The following EFCAB5 variants were observed in gnomAD, a reference collection of about 807,000 sequenced individuals.
The protein encoded by EFCAB5 is EF-hand calcium-binding domain-containing protein 5.
EFCAB5 carries 131 observed loss-of-function variants against 167.9 expected under a neutral mutation model. That is an observed-to-expected ratio of 0.78 (90% CI 0.68 to 0.90). The LOEUF (loss-of-function observed/expected upper bound fraction) is 0.90, where lower values mean the gene tolerates loss of function less well. Among genes scored for constraint, EFCAB5 ranks in the 40% least tolerant of loss-of-function variants. The pLI is 0.00. For synonymous variants in EFCAB5, 574 were observed against 602.8 expected, an observed-to-expected ratio of 0.95 and a Z score of 0.70; for missense variants, 1,663 against 1,745.2, an observed-to-expected ratio of 0.95 and a Z score of 0.84.
chr17:30,040,944 TCCCTG>T (rs1242834579), intron 8 of EFCAB5, among the ~76,000 whole-genome samples: 1 of 152,184 alleles, frequency 6.6e-6, no homozygotes, highest in East Asian at 1.9e-4. Flanking sequence ...TCTCTGTTCT[TCCCTG>T]CACTTACCTA....
intron 3 of EFCAB5, among the ~76,000 whole-genome samples, chr17:29,953,403 G>T (rs967263949): frequency 1.3e-5 from 2 of 152,174 alleles, no homozygotes; most frequent in Admixed American, 6.5e-5. Context: ...GGACCCAGTT[G>T]CAGGTAATTG....
intron 7 of EFCAB5, among the ~76,000 whole-genome samples, chr17:30,018,462 GT>G (rs199676370): frequency 9.5e-5 from 14 of 147,704 alleles, no homozygotes; most frequent in East Asian, 5.9e-4. Context: ...GATTTTTATT[GT>G]TTTTTTTTCA....
chr17:30,091,162 T>G (rs1445713697), intron 20 of EFCAB5, among the ~76,000 whole-genome samples: 1 of 152,118 alleles, frequency 6.6e-6, no homozygotes, highest in Non-Finnish European at 1.5e-5. Context: ...GTTTTACAGA[T>G]AAAGATGCTA....
intron 7 of EFCAB5, among the ~76,000 whole-genome samples, chr17:30,018,496 C>A (rs1254504373): frequency 6.6e-6 from 1 of 151,506 alleles, no homozygotes; most frequent in Non-Finnish European, 1.5e-5. Flanking sequence ...TTTCTCATGT[C>A]TTTGAATACA....
chr17:30,054,339 G>A (rs758778967), intron 10 of EFCAB5, among the ~76,000 whole-genome samples, 191 bp downstream of exon 10: 2 of 152,106 alleles, frequency 1.3e-5, no homozygotes, highest in South Asian at 2.1e-4. Context: ...ATTCACTAAT[G>A]AAATGCAAGC....
chr17:30,082,578 ACAGGGTTTCAC>A (rs1173373864), intron 17 of EFCAB5, among the ~76,000 whole-genome samples: 2 of 151,756 alleles, frequency 1.3e-5, no homozygotes, highest in Non-Finnish European at 2.9e-5. Flanking sequence ...TTTAGTAGAG[ACAGGGTTTCAC>A]CATGTTGGCC....
chr17:30,015,759 C>CT (rs71138866), intron 7 of EFCAB5, among the ~76,000 whole-genome samples: 3,478 of 130,542 alleles, frequency 0.027, 57 homozygotes, highest in Middle Eastern at 0.082. Context: ...TTGGTTATTT[C>CT]TTTTTTTTTT....
chr17:30,057,910 A>G lies in EFCAB5; in HGVS notation c.2580+20A>G, dbSNP rs761737220. 1.1e-5 allele frequency: 18 copies of G among 1,599,522 alleles called. No homozygotes were observed. The Admixed American group carries it at 3.1e-4, about 27-fold the overall frequency. On this transcript the variant is annotated intron_variant, in intron 13 of 22. Transcript: ENST00000394835. ...GAACAGGTGGGTAATATTATTTATT[A>G]ATGATACAAGTGAGGTCACTATTAT...
chr17:30,105,296 G>A (rs2071434433), intron 22 of EFCAB5, among the ~76,000 whole-genome samples: 1 of 152,032 alleles, frequency 6.6e-6, no homozygotes, highest in Non-Finnish European at 1.5e-5. Context: ...AGACCAGCCT[G>A]GCCAACATGA....
At chr17:30,066,478 TAGAAAC>T (rs2070574711) in intron 14 of EFCAB5, among the ~76,000 whole-genome samples, 1 of 151,996 alleles carries the variant, frequency 6.6e-6, no homozygotes. Context: ...CAAATGAAAA[TAGAAAC>T]AGAACATACT....
At chr17:30,096,067 T>C (rs1473606931) in intron 22 of EFCAB5, among the ~76,000 whole-genome samples, 1 of 152,174 alleles carries the variant, frequency 6.6e-6, no homozygotes, top group Non-Finnish European at 1.5e-5. Context: ...GCCTTTTAGT[T>C]ACGAGTTATG....
intron 14 of EFCAB5, chr17:30,068,983 CACAAGGAGAT>C (rs1429985191): frequency 1.4e-6 from 2 of 1,466,430 alleles, no homozygotes; most frequent in African/African-American, 2.8e-5. Context: ...AACAGAAGCT[CACAAGGAGAT>C]ACATTCCCAG....
chr17:30,090,373 A>T, intron 19 of EFCAB5, 48 bp from the exon 20 acceptor site: 2 of 1,592,194 alleles, frequency 1.3e-6, no homozygotes, highest in Non-Finnish European at 1.7e-6. Context: ...GAATGATGTG[A>T]ACAGACAGAT....
At chr17:29,936,608 C>G (rs2151508076) in intron 1 of EFCAB5, among the ~76,000 whole-genome samples, 1 of 152,236 alleles carries the variant, frequency 6.6e-6, no homozygotes, top group Admixed American at 6.5e-5. Flanking sequence ...AGGGTCTCAG[C>G]TTTAGCAACA....
intron 19 of EFCAB5, among the ~76,000 whole-genome samples, chr17:30,089,636 C>A (rs2071156229): frequency 6.6e-6 from 1 of 152,184 alleles, no homozygotes; most frequent in African/African-American, 2.4e-5. Context: ...CTTTTACCAG[C>A]TGCTGTAGGC....
chr17:30,048,957 C>T lies in EFCAB5; in HGVS notation c.1201-2161C>T, dbSNP rs562829964. ...AAGGACCAAAAGAAATTTGATTTCA[C>T]CTGTCAAGAATAGCAATACTTTTCA... On this transcript the variant is annotated intron_variant, in intron 8 of 22. Coordinates refer to ENST00000394835, the MANE Select transcript of EFCAB5 (RefSeq NM_198529.4). Among the ~76,000 whole-genome samples the T allele has an allele frequency of 3.3e-5, 5 of 152,206 alleles. No homozygotes were observed. The South Asian group carries it at 1.0e-3, about 32-fold the overall frequency.
chr17:30,015,109 G>A (rs987739443), intron 7 of EFCAB5, among the ~76,000 whole-genome samples: 3 of 152,138 alleles, frequency 2.0e-5, no homozygotes, highest in African/African-American at 7.2e-5. Flanking sequence ...TTTTCTTTAA[G>A]AATGTTGAAT....
At chr17:29,955,635 G>A (rs2067599898) in intron 3 of EFCAB5, among the ~76,000 whole-genome samples, 1 of 151,908 alleles carries the variant, frequency 6.6e-6, no homozygotes, top group African/African-American at 2.4e-5. Context: ...TCTACAAGGA[G>A]AACTACAAAA....
intron 3 of EFCAB5, among the ~76,000 whole-genome samples, chr17:29,947,929 G>A (rs1445488253): frequency 3.3e-5 from 5 of 152,096 alleles, no homozygotes; most frequent in African/African-American, 1.2e-4. Flanking sequence ...GAGTTCAAAC[G>A]ATTCTCATGC....
Sources: allele counts gnomAD v4.1 joint callset (sites outside exome capture counted in the v4.1 genomes callset), GRCh38; gene constraint gnomAD v4.1.1; transcripts MANE v1.5; gene names NCBI Gene and HGNC (gene_info 2026-07-23, HGNC 2026-07-21).